The following SLC24A4 variants were observed in gnomAD, a reference collection of about 807,000 sequenced individuals.
The protein encoded by SLC24A4 is solute carrier family 24 member 4, also known as sodium/potassium/calcium exchanger 4.
SLC24A4 carries 53 observed loss-of-function variants against 79.0 expected under a neutral mutation model. The ratio of observed to expected loss-of-function variants is 0.67; its 90% CI spans 0.54 to 0.84. SLC24A4 has a LOEUF of 0.84. Ranked by LOEUF, SLC24A4 falls within the 40% of genes least tolerant of loss-of-function variation. The pLI is 0.00. For missense variants in SLC24A4, 731 were observed against 822.0 expected (o/e 0.89, Z 1.35); for synonymous variants, 323 against 323.8 (o/e 1.00, Z 0.03).
In SLC24A4 at chr14:92,491,755, T is replaced by C. The variant is rs200401376; in HGVS notation, c.1628T>C (p.Met543Thr). Residue 543 changes from methionine (M) to threonine (T), a missense_variant, in exon 15 of 17, where the codon ATG becomes ACG. Coordinates refer to ENST00000532405, the MANE Select transcript of SLC24A4 (RefSeq NM_153646.4). ...GGTGTACCGTGGGGCCTGCAGACCA[T>C]GGTTGTTAATTATGGATCAACAGTA... ...GLGVPWGLQT[M>T]VVNYGSTVKI... The C allele has an allele frequency of 8.9e-5, 143 of 1,613,252 alleles. 1 individual carries two copies. Among genetic ancestry groups the C allele is most frequent in the African/African-American group, 5.9e-4 (44 of 75,022 alleles).
intron 4 of SLC24A4, among the ~76,000 whole-genome samples, 197 bp downstream of exon 4, chr14:92,439,606 C>T (rs543685737): frequency 9.2e-5 from 14 of 152,338 alleles, no homozygotes; most frequent in African/African-American, 3.1e-4. Context: ...CAGCCTCTCC[C>T]AGAACTTGGC....
chr14:92,446,808 G>A (rs1475832437), intron 8 of SLC24A4, among the ~76,000 whole-genome samples: 1 of 152,222 alleles, frequency 6.6e-6, no homozygotes, highest in Non-Finnish European at 1.5e-5. Flanking sequence ...TAATGGGATT[G>A]GGTGGGATGC....
At chr14:92,484,471 G>T (rs1328589249) in intron 13 of SLC24A4, 8 of 985,290 alleles carry the variant, frequency 8.1e-6, no homozygotes, top group Non-Finnish European at 6.0e-6. Flanking sequence ...GGAAGCTCAG[G>T]ACGGACTCTG....
At chr14:92,410,754 A>G (rs1189997426) in intron 2 of SLC24A4, among the ~76,000 whole-genome samples, 2 of 152,226 alleles carry the variant, frequency 1.3e-5, no homozygotes, top group African/African-American at 4.8e-5. Context: ...ACCACCAGTA[A>G]GTGTAGAGCA....
intron 10 of SLC24A4, chr14:92,450,874 C>G (rs1304763714): frequency 6.6e-6 from 1 of 152,364 alleles, no homozygotes; most frequent in African/African-American, 2.4e-5. Context: ...TCATTCACAG[C>G]ATGGGGGCCT....
intron 2 of SLC24A4, among the ~76,000 whole-genome samples, chr14:92,371,071 T>A (rs1284134673): frequency 6.6e-6 from 1 of 152,196 alleles, no homozygotes; most frequent in African/African-American, 2.4e-5. Context: ...GGCAAAACTT[T>A]CCTTCTAATA....
intron 2 of SLC24A4, among the ~76,000 whole-genome samples, chr14:92,382,449 G>C (rs1006212625): frequency 2.0e-5 from 3 of 152,134 alleles, no homozygotes; most frequent in Non-Finnish European, 4.4e-5. Flanking sequence ...TGTTTAGTAC[G>C]CGTAAGGCTG....
At chr14:92,334,845 A>G (rs1265283368) in intron 2 of SLC24A4, among the ~76,000 whole-genome samples, 12 of 152,226 alleles carry the variant, frequency 7.9e-5, no homozygotes, top group African/African-American at 2.9e-4. Flanking sequence ...TATTTGAACC[A>G]TACGGAGCCC....
intron 13 of SLC24A4, chr14:92,484,170 G>A (rs751714393): frequency 2.5e-5 from 25 of 984,162 alleles, no homozygotes; most frequent in Admixed American, 1.9e-4. Context: ...ACCCAATCAC[G>A]CCTTCCCCCA....
In SLC24A4 at chr14:92,498,044, C is replaced by T. The variant is rs1206106604; in HGVS notation, c.*4416C>T. On this transcript the variant is annotated 3_prime_UTR_variant, in exon 17 of 17. Transcript: ENST00000532405. ...TACGTGGGGCACGTGAGGTGGTCCT[C>T]CTTTCAGCACACCGTGCCCATAGAA... 6.6e-6 allele frequency: 1 copy of T among 152,248 alleles called. No homozygotes were observed. Among genetic ancestry groups the T allele is most frequent in the Non-Finnish European group, 1.5e-5 (1 of 68,064 alleles). 9.4% of individuals were successfully genotyped at this position (152,248 alleles called of 1,614,324 possible).
At chr14:92,351,940 AAAAG>A (rs1010450884) in intron 2 of SLC24A4, among the ~76,000 whole-genome samples, 19 of 151,814 alleles carry the variant, frequency 1.3e-4, no homozygotes, top group African/African-American at 4.1e-4. Flanking sequence ...AAAGGAAAGG[AAAAG>A]AAAGGAAGGA....
intron 2 of SLC24A4, among the ~76,000 whole-genome samples, chr14:92,402,007 C>T (rs1890141465): frequency 6.6e-6 from 1 of 152,136 alleles, no homozygotes; most frequent in Non-Finnish European, 1.5e-5. Context: ...AGCCCTTTAC[C>T]TGATTTCCTC....
intron 2 of SLC24A4, 58 bp from the exon 3 acceptor site, chr14:92,433,854 A>G (rs887020973): frequency 7.0e-7 from 1 of 1,423,810 alleles, no homozygotes; most frequent in Non-Finnish European, 9.9e-7. Context: ...AAGTCAAGTG[A>G]GGTTTGTCGG....
intron 2 of SLC24A4, among the ~76,000 whole-genome samples, chr14:92,346,400 T>A (rs538118988): frequency 3.7e-4 from 57 of 152,306 alleles, no homozygotes; most frequent in Non-Finnish European, 6.6e-4. Flanking sequence ...TCACCTGTCC[T>A]CAGTCTCTTA....
chr14:92,363,056 A>T (rs2141670198), intron 2 of SLC24A4, among the ~76,000 whole-genome samples: 1 of 152,290 alleles, frequency 6.6e-6, no homozygotes, highest in East Asian at 1.9e-4. Flanking sequence ...AGTGGGTTTT[A>T]AAAACTAATG....
At chr14:92,325,044 G>C (rs1173648078) in intron 1 of SLC24A4, among the ~76,000 whole-genome samples, 1 of 152,116 alleles carries the variant, frequency 6.6e-6, no homozygotes, top group Non-Finnish European at 1.5e-5. Context: ...CTTAGTACCT[G>C]GTGCTTTGCA....
At chr14:92,454,333 C>G (rs758552790) in intron 11 of SLC24A4, among the ~76,000 whole-genome samples, 2 of 152,116 alleles carry the variant, frequency 1.3e-5, no homozygotes, top group Non-Finnish European at 2.9e-5. Flanking sequence ...GGAGAAAGGC[C>G]AGCCTGAAGT....
rs1385513208 is a variant in SLC24A4, at chr14:92,353,656, G to C, written c.241+27678G>C. ...GTGAGGTTGAGCATTTTTCCTATTA[G>C]AGTCATTTGTGTTCCCTTTCTGCTT... On this transcript the variant is annotated intron_variant, in intron 2 of 16. Transcript: ENST00000532405. This position sits in a 1 kb window ranked among gnomAD's most constrained non-coding sequence, Gnocchi z 4.1. Among the ~76,000 whole-genome samples the C allele has an allele frequency of 1.3e-5, 2 of 152,184 alleles. No individual in the cohort carries two copies. The highest frequency in any genetic ancestry group is 2.9e-5 in the Non-Finnish European group (2 of 68,042).
intron 2 of SLC24A4, among the ~76,000 whole-genome samples, chr14:92,387,010 A>G (rs1159630497): frequency 6.6e-6 from 1 of 151,922 alleles, no homozygotes; most frequent in Non-Finnish European, 1.5e-5. Flanking sequence ...CACCCCTTGT[A>G]GCTCTGCACC....
Sources: allele counts gnomAD v4.1 joint callset (sites outside exome capture counted in the v4.1 genomes callset), GRCh38; gene constraint gnomAD v4.1.1; non-coding constraint Gnocchi (gnomAD v3.1); transcripts MANE v1.5; gene names NCBI Gene and HGNC (gene_info 2026-07-23, HGNC 2026-07-21).